The following CFAP251 variants were observed in gnomAD, a reference collection of about 807,000 sequenced individuals.
CFAP251 encodes the protein cilia and flagella associated protein 251, also known as cilia- and flagella-associated protein 251.
A neutral mutation model predicts 126.7 loss-of-function variants in CFAP251; 93 were observed. That is an observed-to-expected ratio of 0.73 (90% CI 0.62 to 0.87). CFAP251 has a LOEUF of 0.87. Ranked by LOEUF, CFAP251 falls within the 40% of genes least tolerant of loss-of-function variation. The pLI, the probability that CFAP251 is intolerant of heterozygous loss-of-function variation, is 0.00. For synonymous variants in CFAP251, 503 were observed against 506.9 expected (o/e 0.99, Z 0.10); for missense variants, 1,287 against 1,389.2 (o/e 0.93, Z 1.17).
chr12:121,987,086 T>G (rs144139476), intron 19 of CFAP251, among the ~76,000 whole-genome samples: 108 of 151,920 alleles, frequency 7.1e-4, no homozygotes, highest in African/African-American at 2.3e-3. Context: ...ACGAGGGGGG[T>G]AATTTGAGCC....
chr12:121,994,976 A>G (rs1031489777), intron 19 of CFAP251, among the ~76,000 whole-genome samples: 4 of 152,034 alleles, frequency 2.6e-5, no homozygotes, highest in Non-Finnish European at 5.9e-5. Context: ...TTAAAAAAAA[A>G]ATAATAATCA....
intron 19 of CFAP251, among the ~76,000 whole-genome samples, chr12:121,981,599 C>T (rs1882624750): frequency 6.6e-6 from 1 of 152,214 alleles, no homozygotes; most frequent in Non-Finnish European, 1.5e-5. Context: ...AACCCAGGTG[C>T]CCCTTCCTCA....
intron 3 of CFAP251, among the ~76,000 whole-genome samples, chr12:121,928,637 CGT>C (rs1491459295): frequency 1.5e-3 from 6 of 4,118 alleles, no homozygotes; most frequent in Non-Finnish European, 3.5e-3. Flanking sequence ...TATATATATA[CGT>C]ATATATATAT....
At chr12:121,993,808 C>T (rs537818766) in intron 19 of CFAP251, among the ~76,000 whole-genome samples, 508 of 142,588 alleles carry the variant, frequency 3.6e-3, no homozygotes, top group Middle Eastern at 0.013. Context: ...GGGGGTCAGC[C>T]CCCCGCCCGG....
In CFAP251 at chr12:121,971,870, G is replaced by T. The variant is rs987198495; in HGVS notation, c.2772-3374G>T. On this transcript the variant is annotated intron_variant, in intron 17 of 21. Coordinates refer to ENST00000288912, the MANE Select transcript of CFAP251 (RefSeq NM_144668.6). ...GATGGTTGGATGGTGGGGGAGCAGG[G>T]GGTGGTTTCCCCCATGTTGTTCTCG... The T allele has an allele frequency of 6.8e-6, 3 of 442,400 alleles. No homozygotes were observed. In the Admixed American group the frequency reaches 1.1e-4, roughly 16 times the overall value. The allele number at this position is 442,400 out of a possible 1,614,324, so 27.4% of individuals were successfully genotyped here.
intron 7 of CFAP251, among the ~76,000 whole-genome samples, chr12:121,946,433 A>G (rs1565908596): frequency 6.6e-6 from 1 of 152,150 alleles, no homozygotes; most frequent in Non-Finnish European, 1.5e-5. Flanking sequence ...TTCTTTCAGC[A>G]GTTCATATCT....
intron 3 of CFAP251, among the ~76,000 whole-genome samples, chr12:121,931,500 A>G (rs1023246930): frequency 1.3e-5 from 2 of 151,976 alleles, no homozygotes; most frequent in Admixed American, 1.3e-4. Context: ...TCTAATAGAG[A>G]CAGGATTTCA....
intron 5 of CFAP251, among the ~76,000 whole-genome samples, chr12:121,936,307 T>C (rs906806779): frequency 6.6e-6 from 1 of 152,084 alleles, no homozygotes; most frequent in Non-Finnish European, 1.5e-5. Flanking sequence ...GTTAGCCACA[T>C]GTGGTGGTGC....
At chr12:121,926,002 G>A (rs903699875) in intron 3 of CFAP251, among the ~76,000 whole-genome samples, 4 of 147,650 alleles carry the variant, frequency 2.7e-5, no homozygotes, top group Admixed American at 6.8e-5. Context: ...GCACCACCAC[G>A]CCCAGCTAAT....
chr12:121,992,573 T>G lies in CFAP251; in HGVS notation c.3007-7143T>G. The G allele has an allele frequency of 3.5e-6, 3 of 846,034 alleles. 1 individual carries two copies. The South Asian group carries it at 1.6e-4, about 46-fold the overall frequency. 52.4% of individuals were successfully genotyped at this position (846,034 alleles called of 1,614,324 possible). A position where few individuals can be genotyped will look rare whatever the true frequency, so the allele number is the denominator to read the frequency against. On this transcript the variant is annotated intron_variant, in intron 19 of 21. Coordinates refer to ENST00000288912, the MANE Select transcript of CFAP251 (RefSeq NM_144668.6). The stretch of plus-strand genomic sequence containing the variant: ...ATATATATTTATATATATTATTTCT[T>G]TTTTTTTTCTTTTTCAGACAGGGTC...
chr12:121,944,997 G>A (rs902091545), intron 7 of CFAP251, among the ~76,000 whole-genome samples: 4 of 152,048 alleles, frequency 2.6e-5, no homozygotes, highest in South Asian at 2.1e-4. Flanking sequence ...TGGTCAGGCT[G>A]GTCTCCAACT....
At chr12:122,001,720 A>C (rs956055991) in intron 21 of CFAP251, 122 bp downstream of exon 21, 1 of 764,036 alleles carries the variant, frequency 1.3e-6, no homozygotes, top group Non-Finnish European at 2.3e-6. Context: ...ATAACAAAGC[A>C]TGTCTGTTGG....
At chr12:121,927,187 G>GT (rs1880453073) in intron 3 of CFAP251, among the ~76,000 whole-genome samples, 1 of 110,876 alleles carries the variant, frequency 9.0e-6, no homozygotes, top group African/African-American at 4.1e-5. Context: ...GTGTTGTTTA[G>GT]GTTTTTTTTT....
intron 9 of CFAP251, chr12:121,953,737 G>A (rs750975146): frequency 1.7e-4 from 33 of 189,578 alleles, no homozygotes; most frequent in Non-Finnish European, 3.0e-4. Flanking sequence ...ATGATAAAAG[G>A]AGGCTGGGAT....
chr12:121,969,814 C>T (rs1044407901), intron 17 of CFAP251: 20 of 985,230 alleles, frequency 2.0e-5, no homozygotes, highest in African/African-American at 5.2e-5. Flanking sequence ...TCTTCTCAGT[C>T]GTCGTGGGAT....
intron 6 of CFAP251, 69 bp downstream of exon 6, chr12:121,942,714 A>G: frequency 7.5e-7 from 1 of 1,331,810 alleles, no homozygotes; most frequent in Non-Finnish European, 1.1e-6. Context: ...CCCCATGGGC[A>G]GCTCTGTTCA....
intron 9 of CFAP251, among the ~76,000 whole-genome samples, chr12:121,951,921 A>G (rs1881543273): frequency 6.6e-6 from 1 of 151,478 alleles, no homozygotes; most frequent in Admixed American, 6.6e-5. Flanking sequence ...ACGGGGTTTC[A>G]CTGTGTTAGC....
At chr12:121,932,128 C>T (rs1242845683) in intron 4 of CFAP251, 1 of 302,406 alleles carries the variant, frequency 3.3e-6, no homozygotes, top group Non-Finnish European at 5.9e-6. Context: ...TTTAAAACAT[C>T]TGTATTTTTT....
At chr12:121,980,576 G>A (rs1329507026) in intron 19 of CFAP251, among the ~76,000 whole-genome samples, 1 of 151,998 alleles carries the variant, frequency 6.6e-6, no homozygotes, top group Non-Finnish European at 1.5e-5. Context: ...TCAAACTCCT[G>A]AGCTCGAGCC....
Sources: allele counts gnomAD v4.1 joint callset (sites outside exome capture counted in the v4.1 genomes callset), GRCh38; gene constraint gnomAD v4.1.1; transcripts MANE v1.5; gene names NCBI Gene and HGNC (gene_info 2026-07-23, HGNC 2026-07-21).